YAP1: variants seen among roughly 807,000 people sequenced by gnomAD.
YAP1 encodes Yes1 associated transcriptional regulator.
In YAP1, 5 loss-of-function variants were observed where a neutral mutation model predicts 56.9. That is an observed-to-expected ratio of 0.09 (90% CI 0.05 to 0.18). YAP1 has a LOEUF of 0.18. YAP1 is among the 10% of genes least tolerant of loss of function. YAP1 has a pLI of 1.00. For missense variants in YAP1, 539 were observed against 651.8 expected (o/e 0.83, Z 1.88); for synonymous variants, 265 against 248.1 (o/e 1.07, Z -0.64).
intron 2 of YAP1, among the ~76,000 whole-genome samples, chr11:102,118,957 G>T (rs939371895): frequency 6.6e-6 from 1 of 151,940 alleles, no homozygotes; most frequent in East Asian, 1.9e-4. Flanking sequence ...AAACTGAAAA[G>T]CTTGTAATTT....
chr11:102,200,985 A>T (rs1430640989), intron 4 of YAP1, among the ~76,000 whole-genome samples: 1 of 152,030 alleles, frequency 6.6e-6, no homozygotes, highest in Non-Finnish European at 1.5e-5. Context: ...TCAAAGTACA[A>T]CTCCTGGGGT....
chr11:102,162,041 G>A (rs1946319451), intron 2 of YAP1, among the ~76,000 whole-genome samples: 1 of 152,104 alleles, frequency 6.6e-6, no homozygotes, highest in African/African-American at 2.4e-5. Flanking sequence ...GGCGTTTTAG[G>A]CCTAAAAATT....
At chr11:102,186,635 C>T (rs1473452438) in intron 4 of YAP1, 1 of 152,562 alleles carries the variant, frequency 6.6e-6, no homozygotes, top group Admixed American at 6.6e-5. Flanking sequence ...AAGCATTTTG[C>T]CCCCTCTTCT....
intron 2 of YAP1, among the ~76,000 whole-genome samples, chr11:102,116,370 T>C (rs1409120001): frequency 6.6e-6 from 1 of 152,320 alleles, no homozygotes; most frequent in East Asian, 1.9e-4. Flanking sequence ...AGAGCCTCTG[T>C]GGATTTTAGT....
In YAP1 at chr11:102,230,026, T is replaced by C; in HGVS notation, c.*86T>C. The C allele has an allele frequency of 8.7e-7, 1 of 1,154,796 alleles. No individual in the cohort carries two copies. The highest frequency in any genetic ancestry group is 1.4e-5 in the South Asian group (1 of 72,654). The allele number at this position is 1,154,796 out of a possible 1,614,324, so 71.5% of individuals were successfully genotyped here. A position where few individuals can be genotyped will look rare whatever the true frequency, so the allele number is the denominator to read the frequency against. Reference sequence around the variant, plus strand: ...AATTTCCATAAGCCAGTTGCAGTTTTCAGGCTAATACAGAAAAAGATGAAC... The same window carrying C: ...AATTTCCATAAGCCAGTTGCAGTTTCCAGGCTAATACAGAAAAAGATGAAC... On this transcript the variant is annotated 3_prime_UTR_variant, in exon 9 of 9. Transcript: ENST00000282441.
chr11:102,128,094 G>A (rs570132741), intron 2 of YAP1, among the ~76,000 whole-genome samples: 1 of 152,262 alleles, frequency 6.6e-6, no homozygotes, highest in African/African-American at 2.4e-5. Flanking sequence ...ATGAGACTTT[G>A]GACTGTGGAC....
At chr11:102,186,152 C>T in intron 4 of YAP1, 21 bp downstream of exon 4, 1 of 1,605,482 alleles carries the variant, frequency 6.2e-7, no homozygotes, top group Non-Finnish European at 8.5e-7. Context: ...ATCTCAAAAC[C>T]TTTTTAGATG....
At chr11:102,126,093 G>T (rs1944021742) in intron 2 of YAP1, among the ~76,000 whole-genome samples, 1 of 151,958 alleles carries the variant, frequency 6.6e-6, no homozygotes, top group Non-Finnish European at 1.5e-5. Flanking sequence ...CTGTTTCTCT[G>T]AAATCTGAAT....
chr11:102,160,408 A>G (rs959322760), intron 2 of YAP1, among the ~76,000 whole-genome samples: 2 of 152,174 alleles, frequency 1.3e-5, no homozygotes, highest in African/African-American at 4.8e-5. Context: ...TTATCTCTTT[A>G]CCAGTGCTAT....
chr11:102,122,785 T>C (rs901792030), intron 2 of YAP1, among the ~76,000 whole-genome samples: 2 of 150,360 alleles, frequency 1.3e-5, no homozygotes, highest in African/African-American at 4.9e-5. Context: ...TCCCAGCTAC[T>C]TGGGAGGCAG....
At chr11:102,138,679 T>C (rs1383333830) in intron 2 of YAP1, among the ~76,000 whole-genome samples, 6 of 152,222 alleles carry the variant, frequency 3.9e-5, no homozygotes, top group Non-Finnish European at 5.9e-5. Flanking sequence ...TTCAATTAAG[T>C]TGAGAAAAGT....
intron 2 of YAP1, among the ~76,000 whole-genome samples, chr11:102,137,594 A>C (rs996604239): frequency 6.6e-6 from 1 of 152,238 alleles, no homozygotes; most frequent in African/African-American, 2.4e-5. Flanking sequence ...AATGCTTAAA[A>C]GACTTTGCTG....
rs1165499472 is a variant in YAP1, at chr11:102,162,632, TGTGGAAAATA to T, written c.688+64_688+73del. The T allele has an allele frequency of 1.5e-5, 23 of 1,511,092 alleles. No homozygotes were observed. In the Admixed American group the frequency reaches 1.7e-4, roughly 11 times the overall value. 93.6% of individuals were successfully genotyped at this position (1,511,092 alleles called of 1,614,324 possible). A position where few individuals can be genotyped will look rare whatever the true frequency, so the allele number is the denominator to read the frequency against. Reference sequence around the variant, plus strand: ...ATGCTTACGCATTGGTAAAAGTTGATGTGGAAAATAGTCATTACTCGTTTACAGAAACTGG... The same window carrying T: ...ATGCTTACGCATTGGTAAAAGTTGATGTCATTACTCGTTTACAGAAACTGG... On this transcript the variant is annotated intron_variant, in intron 3 of 8. Coordinates refer to ENST00000282441, the MANE Select transcript of YAP1 (RefSeq NM_001130145.3).
chr11:102,143,224 A>G (rs1247495076), intron 2 of YAP1, among the ~76,000 whole-genome samples: 1 of 152,172 alleles, frequency 6.6e-6, no homozygotes, highest in African/African-American at 2.4e-5. Context: ...AGTATCTCAT[A>G]TGGCATACTT....
At position 102,134,218 on chromosome 11, in the gene YAP1, C is replaced by G. The variant is rs572987872; in HGVS notation, c.572+19824C>G. On this transcript the variant is annotated intron_variant, in intron 2 of 8. Coordinates refer to ENST00000282441, the MANE Select transcript of YAP1 (RefSeq NM_001130145.3). ...CTATTTAGGTAGTGGTGGTCTCTCACTTTATTTGCCATTGACTTGTTAGGG... is the reference window on the plus strand; with the variant it reads ...CTATTTAGGTAGTGGTGGTCTCTCAGTTTATTTGCCATTGACTTGTTAGGG... Among the ~76,000 whole-genome samples the G allele has an allele frequency of 7.2e-5, 11 of 152,244 alleles. No individual in the cohort carries two copies. The South Asian group carries it at 8.3e-4, about 11-fold the overall frequency.
intron 2 of YAP1, among the ~76,000 whole-genome samples, chr11:102,134,627 G>C (rs1944565397): frequency 6.6e-6 from 1 of 151,802 alleles, no homozygotes; most frequent in African/African-American, 2.4e-5. Context: ...AATATTGCTA[G>C]TTCCTTAGAA....
In YAP1 at chr11:102,133,641, G is replaced by A. The variant is rs187038836; in HGVS notation, c.572+19247G>A. ...TCAAAGTTTAATATGGTTTTGGAAG[G>A]AAGTTATGAGTTTCACACAAATGCT... On this transcript the variant is annotated intron_variant, in intron 2 of 8. Transcript: ENST00000282441. Among the ~76,000 whole-genome samples, 137 of 152,262 alleles carry A rather than the reference G, an allele frequency of 9.0e-4. 1 individual carries two copies. Among genetic ancestry groups the A allele is most frequent in the Non-Finnish European group, 1.4e-3 (98 of 68,030 alleles).
In YAP1 at chr11:102,223,710, T is replaced by C. The variant is rs1342673218; in HGVS notation, c.1121T>C (p.Leu374Ser). The C allele has an allele frequency of 6.2e-7, 1 of 1,614,124 alleles. No individual in the cohort carries two copies. Among genetic ancestry groups the C allele is most frequent in the Non-Finnish European group, 8.5e-7 (1 of 1,180,008 alleles). The change falls in exon 7 of 9, where the codon TTG (leucine) becomes TCG (serine). Residue 374 changes from leucine (L) to serine (S), a missense_variant. Transcript: ENST00000282441. ...TCTTCTCCCGGGATGTCTCAGGAAT[T>C]GAGAACAATGACGACCAATAGCTCA... ...PVSSPGMSQE[L>S]RTMTTNSSDP...
At chr11:102,184,001 C>T (rs1158049552) in intron 3 of YAP1, among the ~76,000 whole-genome samples, 1 of 147,392 alleles carries the variant, frequency 6.8e-6, no homozygotes, top group Non-Finnish European at 1.5e-5. Flanking sequence ...GGCGTGAACC[C>T]GGGAGGCGGA....
Sources: gnomAD v4.1 joint callset for allele counts (sites outside exome capture counted in the v4.1 genomes callset) on GRCh38, gnomAD v4.1.1 for gene constraint, MANE v1.5 for transcripts, NCBI Gene and HGNC (gene_info 2026-07-23, HGNC 2026-07-21) for gene names.